WASHC4: variants seen among roughly 807,000 people sequenced by gnomAD.
WASHC4 encodes WASH complex subunit 7.
A neutral mutation model predicts 166.6 loss-of-function variants in WASHC4; 86 were observed. The observed-to-expected ratio is 0.52, with a 90% CI of 0.43 to 0.62. The LOEUF is 0.62. Ranked by LOEUF, WASHC4 falls within the 20% of genes least tolerant of loss-of-function variation. The probability of loss-of-function intolerance (pLI) is 0.00; values close to 1 mark genes in which losing one functional copy is unlikely to be tolerated. For synonymous variants in WASHC4, 446 were observed against 451.6 expected (o/e 0.99, Z 0.16); for missense variants, 1,262 against 1,382.4 (o/e 0.91, Z 1.38).
chr12:105,140,551 T>C, intron 16 of WASHC4, 150 bp downstream of exon 16: 1 of 673,124 alleles, frequency 1.5e-6, no homozygotes, highest in Non-Finnish European at 2.5e-6. Flanking sequence ...ATTTTACAAT[T>C]TTTACTTCAA....
chr12:105,164,374 C>T, intron 31 of WASHC4, 67 bp downstream of exon 31: 1 of 1,372,450 alleles, frequency 7.3e-7, no homozygotes, highest in Non-Finnish European at 1.0e-6. Context: ...TTCTTAATGT[C>T]TGAAAAGCAG....
chr12:105,148,070 A>G (rs1883456599), intron 24 of WASHC4: 8 of 985,238 alleles, frequency 8.1e-6, no homozygotes, highest in Non-Finnish European at 8.4e-6. Flanking sequence ...ATGCTTAAGT[A>G]GTACAGTATT....
rs1015055349 is a variant in WASHC4 at position 105,168,502 on chromosome 12, A to G, written c.*1571A>G. The stretch of plus-strand genomic sequence containing the variant: ...AAATTCGTCATTTCATAGCAACAGT[A>G]TTGTTTTCTCTGTTTTTCTTCTCTA... On this transcript the variant is annotated 3_prime_UTR_variant, in exon 33 of 33. Transcript: ENST00000332180. The G allele has an allele frequency of 2.0e-5, 3 of 152,370 alleles. No individual in the cohort carries two copies. The highest frequency in any genetic ancestry group is 7.2e-5 in the African/African-American group (3 of 41,410). The allele number at this position is 152,370 out of a possible 1,614,324, so 9.4% of individuals were successfully genotyped here.
intron 15 of WASHC4, 144 bp from the exon 16 acceptor site, chr12:105,140,150 C>T (rs1238906154): frequency 1.4e-5 from 9 of 648,802 alleles, no homozygotes; most frequent in East Asian, 5.8e-5. Context: ...GGATTACAGG[C>T]GTGAGCCACC....
chr12:105,156,426 A>G (rs1012324395), intron 26 of WASHC4: 4 of 168,772 alleles, frequency 2.4e-5, no homozygotes, highest in African/African-American at 9.6e-5. Flanking sequence ...TATTGATATT[A>G]TAATTTTAAG....
chr12:105,160,096 G>A lies in WASHC4; in HGVS notation c.3008G>A (p.Arg1003Gln), dbSNP rs1443797965. 6.2e-7 allele frequency: 1 copy of A among 1,613,722 alleles called. No homozygotes were observed. The highest frequency in any genetic ancestry group is 1.1e-5 in the South Asian group (1 of 91,076). Residue 1003 changes from arginine (R) to glutamine (Q), a missense_variant, in exon 29 of 33, where the codon CGA becomes CAA. By Grantham distance (43) the Arg-to-Gln change is conservative. Transcript: ENST00000332180. ...GTAGACGTTTTTGCTCCAGAATTTC[G>A]AAGGCCAAAGAATATACATCTCCGA... ...MLVDVFAPEFRRPKNIHLRNF... is the reference protein window; with the variant it reads ...MLVDVFAPEFQRPKNIHLRNF...
chr12:105,131,173 G>A (rs1416909784), intron 13 of WASHC4, among the ~76,000 whole-genome samples: 2 of 150,356 alleles, frequency 1.3e-5, no homozygotes, highest in Non-Finnish European at 3.0e-5. Flanking sequence ...TGCAAGCTCC[G>A]CTTCCCGGGT....
In WASHC4 at chr12:105,122,060, T is replaced by A. The variant is rs189242107; in HGVS notation, c.666-58T>A. ...TTTTGACTTCCAGGAAAATTTTTAA[T>A]TTTTAATTTAAGAATTTATTAGGTA... On this transcript the variant is annotated intron_variant, in intron 9 of 32. Transcript: ENST00000332180. The A allele has an allele frequency of 7.8e-3, 10,312 of 1,321,792 alleles. 70 individuals carry two copies. The highest frequency in any genetic ancestry group is 8.4e-3 in the Non-Finnish European group (8,072 of 957,380). 81.9% of individuals were successfully genotyped at this position (1,321,792 alleles called of 1,614,324 possible).
rs963153622 is a variant in WASHC4 at position 105,126,480 on chromosome 12, G to A, written c.1038+118G>A. On this transcript the variant is annotated intron_variant, in intron 12 of 32. Coordinates refer to ENST00000332180, the MANE Select transcript of WASHC4 (RefSeq NM_015275.3). ...AAAAATAATTTAAAAGTATTCACTTGTAAAATTCAAGTATTCCAGAAATAA... is the reference window on the plus strand; with the variant it reads ...AAAAATAATTTAAAAGTATTCACTTATAAAATTCAAGTATTCCAGAAATAA... The A allele has an allele frequency of 7.7e-5, 63 of 821,168 alleles. No individual in the cohort carries two copies. The African/African-American group carries it at 9.0e-4, about 12-fold the overall frequency. The allele number at this position is 821,168 out of a possible 1,614,324, so 50.9% of individuals were successfully genotyped here. A position where few individuals can be genotyped will look rare whatever the true frequency, so the allele number is the denominator to read the frequency against.
At chr12:105,115,091 CTGTT>C (rs1208458607) in intron 4 of WASHC4, 89 bp from the exon 5 acceptor site, 1 of 667,082 alleles carries the variant, frequency 1.5e-6, no homozygotes, top group Non-Finnish European at 2.7e-6. Context: ...ATGTAGCCCT[CTGTT>C]TATTACTAAG....
At chr12:105,151,217 A>G (rs1198561326) in intron 25 of WASHC4, among the ~76,000 whole-genome samples, 12 of 149,790 alleles carry the variant, frequency 8.0e-5, no homozygotes, top group African/African-American at 2.7e-4. Flanking sequence ...TCCCATAGTG[A>G]AGTGAAGTGA....
At position 105,144,885 on chromosome 12, in the gene WASHC4, A is replaced by G. The variant is rs903090150; in HGVS notation, c.2334+13A>G. 7.5e-6 allele frequency: 12 copies of G among 1,606,632 alleles called. No homozygotes were observed. The highest frequency in any genetic ancestry group is 9.3e-6 in the Non-Finnish European group (11 of 1,176,748). On this transcript the variant is annotated intron_variant, in intron 22 of 32. Transcript: ENST00000332180. ...GACTTTGGAACAGGTATAGTATAAA[A>G]TGTTTTTTTTAGCATACTGTGACTG...
At chr12:105,131,396 T>C (rs1173271852) in intron 13 of WASHC4, among the ~76,000 whole-genome samples, 1 of 152,208 alleles carries the variant, frequency 6.6e-6, no homozygotes, top group Non-Finnish European at 1.5e-5. Context: ...TGTTTTTATA[T>C]ATTTATAAGA....
chr12:105,138,099 G>C (rs1882471990), intron 15 of WASHC4, 88 bp downstream of exon 15: 2 of 1,280,408 alleles, frequency 1.6e-6, no homozygotes, highest in Non-Finnish European at 1.1e-6. Flanking sequence ...TTGACTACAT[G>C]ATTATATGAG....
At chr12:105,164,597 A>G (rs1566033497) in intron 31 of WASHC4, 44 bp from the exon 32 acceptor site, 5 of 1,354,388 alleles carry the variant, frequency 3.7e-6, no homozygotes, top group African/African-American at 1.4e-5. Flanking sequence ...TTTTGCCATA[A>G]TAAGTATTTT....
At chr12:105,138,982 C>A (rs1031913718) in intron 15 of WASHC4, among the ~76,000 whole-genome samples, 1 of 152,140 alleles carries the variant, frequency 6.6e-6, no homozygotes, top group African/African-American at 2.4e-5. Context: ...TCAGAGGAAA[C>A]TACTGTCCTG....
intron 18 of WASHC4, among the ~76,000 whole-genome samples, chr12:105,141,850 T>G (rs547592481): frequency 1.9e-4 from 29 of 152,260 alleles, no homozygotes; most frequent in African/African-American, 5.8e-4. Flanking sequence ...GCTGACATTT[T>G]TCTTGTTATT....
At position 105,111,242 on chromosome 12, in the gene WASHC4, A is replaced by G. The variant is rs141620718; in HGVS notation, c.179A>G (p.Asn60Ser). 8.1e-5 allele frequency: 131 copies of G among 1,609,666 alleles called. No individual in the cohort carries two copies. In the East Asian group the frequency reaches 1.6e-3, roughly 19 times the overall value. ...TCAATTGGAGATGTTTGGGATTTCA[A>G]TCTTGATCCTATAGCATTAAAGGTT... ...DDSIGDVWDF[N>S]LDPIALKLLP... Residue 60 changes from asparagine to serine, a missense_variant, in exon 2 of 33, where the codon AAT becomes AGT. Asn to Ser is a conservative substitution (Grantham distance 46, BLOSUM62 1). Coordinates refer to ENST00000332180, the MANE Select transcript of WASHC4 (RefSeq NM_015275.3).
intron 8 of WASHC4, 98 bp downstream of exon 8, chr12:105,120,695 C>G (rs1209052859): frequency 2.4e-6 from 2 of 841,324 alleles, no homozygotes; most frequent in Non-Finnish European, 4.1e-6. Flanking sequence ...TAGGAACACT[C>G]TTAAAGAGGC....
Sources: allele counts gnomAD v4.1 joint callset (sites outside exome capture counted in the v4.1 genomes callset), GRCh38; gene constraint gnomAD v4.1.1; transcripts MANE v1.5; gene names NCBI Gene and HGNC (gene_info 2026-07-23, HGNC 2026-07-21).